The following HIP1R variants were observed in gnomAD, a reference collection of about 807,000 sequenced individuals.
HIP1R encodes the protein huntingtin-interacting protein 1-related protein.
Under a neutral mutation model 144.2 loss-of-function variants are expected in HIP1R, and 135 were observed. That is an observed-to-expected ratio of 0.94 (90% CI 0.81 to 1.08). HIP1R has a LOEUF of 1.08. Ranked by LOEUF, HIP1R falls within the 50% of genes least tolerant of loss-of-function variation. The probability of loss-of-function intolerance (pLI) is 0.00; values close to 1 mark genes in which losing one functional copy is unlikely to be tolerated. For synonymous variants in HIP1R, 698 were observed against 612.8 expected, an observed-to-expected ratio of 1.14 and a Z score of -2.05; for missense variants, 1,462 against 1,432.8, an observed-to-expected ratio of 1.02 and a Z score of -0.33.
chr12:122,861,550 G>A (rs375465895), intron 31 of HIP1R, 36 bp downstream of exon 31: 71 of 1,588,188 alleles, frequency 4.5e-5, no homozygotes, highest in Middle Eastern at 3.3e-4. Flanking sequence ...GTTCCTGGAC[G>A]GGGGTGCTGT....
Position 122,861,975 on chromosome 12 carries a change from C to T in HIP1R, c.*222C>T, listed in dbSNP as rs916650253. ...GTCTCTTATTTATCTGCAGAAGGAA[C>T]TTTGGGGTGCAGCCAGGACCCGGTA... On this transcript the variant is annotated 3_prime_UTR_variant, in exon 32 of 32. Transcript: ENST00000253083. The T allele has an allele frequency of 1.3e-5, 7 of 535,016 alleles. No individual in the cohort carries two copies. The highest frequency in any genetic ancestry group is 2.3e-5 in the Non-Finnish European group (7 of 303,456). The allele number at this position is 535,016 out of a possible 1,614,324, so 33.1% of individuals were successfully genotyped here.
At chr12:122,851,206 T>C in intron 6 of HIP1R, 30 bp from the exon 7 acceptor site, 1 of 1,485,468 alleles carries the variant, frequency 6.7e-7, no homozygotes, top group Non-Finnish European at 8.9e-7. Context: ...CCCACCCTTT[T>C]TCATTTCTTC....
chr12:122,839,002 G>A (rs1232807066), intron 1 of HIP1R, among the ~76,000 whole-genome samples: 2 of 152,190 alleles, frequency 1.3e-5, no homozygotes, highest in Non-Finnish European at 2.9e-5. Context: ...CCAGAACTGC[G>A]AGTTTGTGTG....
chr12:122,859,731 C>T, intron 23 of HIP1R, 41 bp from the exon 24 acceptor site: 3 of 1,603,760 alleles, frequency 1.9e-6, no homozygotes, highest in Non-Finnish European at 2.6e-6. Context: ...GACCACGGTC[C>T]CCTCCTCCCA....
At chr12:122,847,305 G>T (rs533703854) in intron 1 of HIP1R, among the ~76,000 whole-genome samples, 5 of 133,730 alleles carry the variant, frequency 3.7e-5, no homozygotes, top group East Asian at 1.9e-4. Context: ...AGCCGGGGCG[G>T]GGGGGGAGGG....
intron 8 of HIP1R, 54 bp from the exon 9 acceptor site, chr12:122,854,851 T>C: frequency 6.4e-7 from 1 of 1,564,562 alleles, no homozygotes; most frequent in East Asian, 2.2e-5. Flanking sequence ...GCAGGGCAGG[T>C]GAGCCCCTGA....
At chr12:122,848,191 A>G (rs528961395) in intron 2 of HIP1R, 97 bp downstream of exon 2, 31 of 1,342,906 alleles carry the variant, frequency 2.3e-5, no homozygotes, top group South Asian at 2.2e-4. Context: ...CGGGGTCACA[A>G]GTTCCCTCAC....
upstream of HIP1R, chr12:122,834,984 T>C: frequency 7.8e-7 from 1 of 1,287,762 alleles, no homozygotes; most frequent in Non-Finnish European, 1.0e-6. Flanking sequence ...AACCAGATCT[T>C]GCCCTGGTGC....
intron 17 of HIP1R, 35 bp from the exon 18 acceptor site, chr12:122,856,986 C>G: frequency 6.5e-7 from 1 of 1,542,292 alleles, no homozygotes; most frequent in Non-Finnish European, 8.8e-7. Context: ...CCTGGGAGCT[C>G]TGTTCACATG....
rs79355888 is a variant in HIP1R at position 122,836,327 on chromosome 12, C to T, written c.93+684C>T. Among the ~76,000 whole-genome samples the T allele has an allele frequency of 0.04, 6,125 of 152,178 alleles. 419 individuals carry two copies. Among genetic ancestry groups the T allele is most frequent in the African/African-American group, 0.14 (5,749 of 41,494 alleles). ...AGGTGCACACCCCCTCATTAAATAC[C>T]GGCGCCCGACAGACAGAAACTTCCT... is the stretch of plus-strand genomic sequence containing the variant. On this transcript the variant is annotated intron_variant, in intron 1 of 31. Coordinates refer to ENST00000253083, the MANE Select transcript of HIP1R (RefSeq NM_003959.3). This position sits in a 1 kb window ranked among gnomAD's most constrained non-coding sequence, Gnocchi z 4.1.
rs765680533 is a variant in HIP1R at position 122,860,673 on chromosome 12, C to T, written c.2661-6C>T. 2.5e-6 allele frequency: 4 copies of T among 1,612,524 alleles called. No individual in the cohort carries two copies. In the Middle Eastern group the frequency reaches 5.0e-4, roughly 200 times the overall value. On this transcript the variant is annotated splice_region_variant and splice_polypyrimidine_tract_variant and intron_variant, in intron 27 of 31. Coordinates refer to ENST00000253083, the MANE Select transcript of HIP1R (RefSeq NM_003959.3). ...ACCCTGGCCCTGACTGGCCCTTGAC[C>T]CGCAGGGAGGCAGCTGACAAGGTGG...
chr12:122,860,294 C>T, intron 26 of HIP1R, 84 bp downstream of exon 26: 1 of 1,537,740 alleles, frequency 6.5e-7, no homozygotes, highest in Non-Finnish European at 8.8e-7. Flanking sequence ...ACCCTCCACC[C>T]CCTACCACAG....
chr12:122,850,197 A>G (rs200886571), intron 5 of HIP1R: 9 of 646,716 alleles, frequency 1.4e-5, no homozygotes, highest in Non-Finnish European at 2.6e-5. Context: ...TTCTGTGGAC[A>G]TGAGCGCTGG....
chr12:122,857,071 T>C lies in HIP1R; in HGVS notation c.1671T>C (p.Asp557=). The C allele has an allele frequency of 6.4e-7, 1 of 1,551,582 alleles. No individual in the cohort carries two copies. ...SRLDTLSAEK[D]ALSGAVRQRE... is the part of the protein sequence containing the mutation. ...TGGACACGCTGAGTGCGGAGAAGGA[T>C]GCTCTGAGTGGAGCTGTGCGGCAGC... is the stretch of plus-strand genomic sequence containing the variant. The change falls in exon 18 of 32, where the codon GAT becomes GAC. Residue 557 remains aspartate (D), a synonymous_variant. Transcript: ENST00000253083.
chr12:122,853,908 G>A (rs768094320), intron 7 of HIP1R, 135 bp from the exon 8 acceptor site: 73 of 1,034,490 alleles, frequency 7.1e-5, no homozygotes, highest in Non-Finnish European at 9.7e-5. Context: ...CAGCACATGA[G>A]GCTCCCGTCT....
intron 1 of HIP1R, among the ~76,000 whole-genome samples, chr12:122,842,166 G>C (rs1027957762): frequency 6.6e-6 from 1 of 152,098 alleles, no homozygotes; most frequent in African/African-American, 2.4e-5. Flanking sequence ...CCAACTCTTT[G>C]GAAATGTTAA....
rs1187433386 is a variant in HIP1R at position 122,856,563 on chromosome 12, GCACAGGGCCCTGC to G, written c.1518+17_1518+29del. 1.9e-5 allele frequency: 30 copies of G among 1,598,810 alleles called. No individual in the cohort carries two copies. Among genetic ancestry groups the G allele is most frequent in the Non-Finnish European group, 2.6e-5 (30 of 1,171,924 alleles). ...CGGAGTTGAAGGTATGTCCCTTGTG[GCACAGGGCCCTGC>G]CCCGGCATCCCCAGCCCACTGCCCC... On this transcript the variant is annotated intron_variant, in intron 16 of 31. Coordinates refer to ENST00000253083, the MANE Select transcript of HIP1R (RefSeq NM_003959.3).
intron 23 of HIP1R, 84 bp from the exon 24 acceptor site, chr12:122,859,688 T>A: frequency 6.6e-7 from 1 of 1,507,710 alleles, no homozygotes; most frequent in Non-Finnish European, 9.2e-7. Context: ...AGGTCAGAGC[T>A]GAGAGGGCAG....
At position 122,836,661 on chromosome 12, in the gene HIP1R, C is replaced by T. The variant is rs1160555603; in HGVS notation, c.93+1018C>T. Among the ~76,000 whole-genome samples, 2 of 152,142 alleles carry T rather than the reference C, an allele frequency of 1.3e-5. No homozygotes were observed. The highest frequency in any genetic ancestry group is 2.4e-5 in the African/African-American group (1 of 41,408). On this transcript the variant is annotated intron_variant, in intron 1 of 31. Coordinates refer to ENST00000253083, the MANE Select transcript of HIP1R (RefSeq NM_003959.3). The surrounding 1 kb of genome is among the most constrained non-coding windows in gnomAD (Gnocchi z 4.1). ...TAGAGATAAAGGAAGCCAGAGGACC[C>T]CTCCCACTCCTGTCTAAAGCAGGTT...
Sources: allele counts gnomAD v4.1 joint callset (sites outside exome capture counted in the v4.1 genomes callset), GRCh38; gene constraint gnomAD v4.1.1; non-coding constraint Gnocchi (gnomAD v3.1); transcripts MANE v1.5; gene names NCBI Gene and HGNC (gene_info 2026-07-23, HGNC 2026-07-21).